TM9SF3: variants seen among roughly 807,000 people sequenced by gnomAD.
TM9SF3 encodes the protein SM-11044-binding protein.
TM9SF3 carries 14 observed loss-of-function variants against 78.6 expected under a neutral mutation model. The ratio of observed to expected loss-of-function variants is 0.18; its 90% confidence interval spans 0.12 to 0.28. The LOEUF (loss-of-function observed/expected upper bound fraction) is 0.28. Ranked by LOEUF, TM9SF3 falls within the 10% of genes least tolerant of loss-of-function variation. TM9SF3 has a pLI of 1.00. For missense variants in TM9SF3, 496 were observed against 721.9 expected, an observed-to-expected ratio of 0.69 and a Z score of 3.59; for synonymous variants, 231 against 241.7, an observed-to-expected ratio of 0.96 and a Z score of 0.41.
At chr10:96,581,105 C>T (rs1329521356) in intron 1 of TM9SF3, among the ~76,000 whole-genome samples, 1 of 152,154 alleles carries the variant, frequency 6.6e-6, no homozygotes, top group Non-Finnish European at 1.5e-5. Flanking sequence ...GAAAAAAAAC[C>T]TTCTAAGAAG....
intron 1 of TM9SF3, among the ~76,000 whole-genome samples, chr10:96,583,004 C>T (rs965346525): frequency 2.7e-5 from 4 of 149,298 alleles, no homozygotes; most frequent in Non-Finnish European, 4.4e-5. Flanking sequence ...CGTTTGAACC[C>T]GGGAGGCGGA....
chr10:96,576,743 A>T lies in TM9SF3; in HGVS notation c.189T>A (p.Leu63=). 2 of 1,611,238 alleles carry T rather than the reference A, an allele frequency of 1.2e-6. No individual in the cohort carries two copies. Among genetic ancestry groups the T allele is most frequent in the Non-Finnish European group, 1.7e-6 (2 of 1,178,888 alleles). ...NRQETYKYFS[L]PFCVGSKKSI... is the part of the protein sequence containing the mutation. ...TTTTTTTTGACCCCACACAGAATGG[A>T]AGTGAAAAGTACTTATATGTTTCTT... Residue 63 remains leucine (L), a synonymous_variant, in exon 2 of 15, where the codon CTT becomes CTA. Coordinates refer to ENST00000371142, the MANE Select transcript of TM9SF3 (RefSeq NM_020123.4).
At chr10:96,555,932 G>T (rs1052653421) in intron 5 of TM9SF3, among the ~76,000 whole-genome samples, 1 of 152,010 alleles carries the variant, frequency 6.6e-6, no homozygotes, top group African/African-American at 2.4e-5. Flanking sequence ...TAAAATAAAA[G>T]AAGTTTTATA....
intron 2 of TM9SF3, among the ~76,000 whole-genome samples, chr10:96,566,449 A>G (rs1031829054): frequency 3.9e-5 from 6 of 152,148 alleles, no homozygotes; most frequent in Admixed American, 3.3e-4. Flanking sequence ...CCCAATCCTT[A>G]AGAGAGAGAG....
chr10:96,567,239 C>G (rs1019391095), intron 2 of TM9SF3, among the ~76,000 whole-genome samples: 1 of 151,956 alleles, frequency 6.6e-6, no homozygotes, highest in African/African-American at 2.4e-5. Context: ...CATATGCCAC[C>G]AGGCCCGACT....
In TM9SF3 at chr10:96,520,461, C is replaced by T. The variant is rs1404241857; in HGVS notation, c.*1802G>A. 1 of 156,392 alleles carries T rather than the reference C, an allele frequency of 6.4e-6. No individual in the cohort carries two copies. Among genetic ancestry groups the T allele is most frequent in the Non-Finnish European group, 1.4e-5 (1 of 71,048 alleles). 9.7% of individuals were successfully genotyped at this position (156,392 alleles called of 1,614,324 possible). ...TGTAGAGTCCATCAATAGATAGGTA[C>T]ATATTTTGTAATGAAAACATCTTGT... On this transcript the variant is annotated 3_prime_UTR_variant, in exon 15 of 15. Coordinates refer to ENST00000371142, the MANE Select transcript of TM9SF3 (RefSeq NM_020123.4).
intron 4 of TM9SF3, 38 bp downstream of exon 4, chr10:96,561,940 A>G (rs1564936466): frequency 1.9e-6 from 3 of 1,556,066 alleles, no homozygotes; most frequent in Non-Finnish European, 2.6e-6. Context: ...ATCGGGTCAC[A>G]AACACTACTT....
At chr10:96,535,127 C>T (rs917206384) in intron 9 of TM9SF3, among the ~76,000 whole-genome samples, 2 of 152,184 alleles carry the variant, frequency 1.3e-5, no homozygotes, top group African/African-American at 4.8e-5. Flanking sequence ...AAGGAATCTA[C>T]AGTCTCAAAA....
intron 9 of TM9SF3, 144 bp downstream of exon 9, chr10:96,543,932 T>C: frequency 1.3e-6 from 1 of 751,792 alleles, no homozygotes; most frequent in Non-Finnish European, 1.9e-6. Context: ...AACAGTAGTA[T>C]TCTCCTCATC....
At chr10:96,583,610 C>T (rs1848598532) in intron 1 of TM9SF3, among the ~76,000 whole-genome samples, 1 of 152,062 alleles carries the variant, frequency 6.6e-6, no homozygotes, top group Admixed American at 6.5e-5. Flanking sequence ...CCACCTCTAC[C>T]CCTACCAGAT....
chr10:96,547,880 G>T lies in TM9SF3; in HGVS notation c.1054+15C>A, dbSNP rs183402586. 9 of 1,581,088 alleles carry T rather than the reference G, an allele frequency of 5.7e-6. No homozygotes were observed. In the East Asian group the frequency reaches 2.0e-4, roughly 35 times the overall value. On this transcript the variant is annotated intron_variant, in intron 8 of 14. Transcript: ENST00000371142. ...ATCTATAATTAACAACATGAAGTGA[G>T]AATTCGTAAGTTACCTCCTTGTCTA...
intron 2 of TM9SF3, 23 bp from the exon 3 acceptor site, chr10:96,565,449 A>G: frequency 1.3e-6 from 2 of 1,532,846 alleles, no homozygotes; most frequent in East Asian, 2.5e-5. Context: ...AAAATTGCAA[A>G]TTAGCCCACT....
intron 8 of TM9SF3, among the ~76,000 whole-genome samples, chr10:96,547,181 TAACA>T (rs371487700): frequency 1.9e-4 from 29 of 152,334 alleles, no homozygotes; most frequent in African/African-American, 4.1e-4. Flanking sequence ...TTGATAAAAC[TAACA>T]GTCAACAGAA....
intron 9 of TM9SF3, among the ~76,000 whole-genome samples, chr10:96,537,417 T>C (rs533132302): frequency 6.6e-6 from 1 of 152,344 alleles, no homozygotes; most frequent in Non-Finnish European, 1.5e-5. Context: ...CCATCTAGGT[T>C]TGTGTAAGTA....
intron 1 of TM9SF3, among the ~76,000 whole-genome samples, chr10:96,582,854 C>A (rs924999778): frequency 6.6e-6 from 1 of 151,874 alleles, no homozygotes; most frequent in Non-Finnish European, 1.5e-5. Flanking sequence ...CCGAGGCAGG[C>A]GGATCACCTG....
intron 4 of TM9SF3, among the ~76,000 whole-genome samples, 179 bp downstream of exon 4, chr10:96,561,799 G>A (rs909725094): frequency 6.6e-6 from 1 of 152,182 alleles, no homozygotes; most frequent in Non-Finnish European, 1.5e-5. Context: ...CAGACCTGAA[G>A]CAAATCCTCT....
At chr10:96,530,112 T>C (rs1229092188) in intron 11 of TM9SF3, among the ~76,000 whole-genome samples, 4 of 152,166 alleles carry the variant, frequency 2.6e-5, no homozygotes, top group East Asian at 1.9e-4. Flanking sequence ...CAGGCCTCTA[T>C]GGAAGGAACC....
At position 96,527,503 on chromosome 10, in the gene TM9SF3, G is replaced by T. The variant is rs951677025; in HGVS notation, c.1542-7C>A. The T allele has an allele frequency of 1.2e-6, 2 of 1,602,082 alleles. No homozygotes were observed. The highest frequency in any genetic ancestry group is 1.3e-5 in the African/African-American group (1 of 74,430). On this transcript the variant is annotated splice_region_variant and splice_polypyrimidine_tract_variant and intron_variant, in intron 12 of 14. Coordinates refer to ENST00000371142, the MANE Select transcript of TM9SF3 (RefSeq NM_020123.4). Reference sequence around the variant, plus strand: ...GAGAAAACTTGTCCATTGCCTGGTGGGGGGAGGGGGAAAGAAGATAAATCT... The same window carrying T: ...GAGAAAACTTGTCCATTGCCTGGTGTGGGGAGGGGGAAAGAAGATAAATCT...
chr10:96,585,764 T>C (rs1453654011), intron 1 of TM9SF3, among the ~76,000 whole-genome samples: 1 of 152,212 alleles, frequency 6.6e-6, no homozygotes, highest in African/African-American at 2.4e-5. Context: ...CAGTCTCTCA[T>C]AGAAACTCCT....
Sources: gnomAD v4.1 joint callset for allele counts (sites outside exome capture counted in the v4.1 genomes callset) on GRCh38, gnomAD v4.1.1 for gene constraint, MANE v1.5 for transcripts, NCBI Gene and HGNC (gene_info 2026-07-23, HGNC 2026-07-21) for gene names.